MYO5B: variants seen among roughly 807,000 people sequenced by gnomAD.
MYO5B encodes myosin VB.
Under a neutral mutation model 229.3 loss-of-function variants are expected in MYO5B, and 143 were observed. The observed-to-expected ratio is 0.62, with a 90% CI of 0.54 to 0.72. The LOEUF (loss-of-function observed/expected upper bound fraction) is 0.72. Among genes scored for constraint, MYO5B ranks in the 30% least tolerant of loss-of-function variants. The pLI is 0.00. For missense variants in MYO5B, 2,321 were observed against 2,331.0 expected (o/e 1.00, Z 0.09); for synonymous variants, 918 against 885.2 (o/e 1.04, Z -0.66).
At chr18:50,090,004 T>A (rs8085101) in intron 1 of MYO5B, among the ~76,000 whole-genome samples, 1 of 152,194 alleles carries the variant, frequency 6.6e-6, no homozygotes, top group Non-Finnish European at 1.5e-5. Context: ...ACCACCTCCT[T>A]CAGCCTCTCT....
intron 17 of MYO5B, among the ~76,000 whole-genome samples, chr18:49,925,052 T>C (rs2025113732): frequency 6.6e-6 from 1 of 152,172 alleles, no homozygotes; most frequent in Non-Finnish European, 1.5e-5. Flanking sequence ...CCTGAAACAC[T>C]AGTTCAGGCC....
chr18:50,118,166 CCT>C (rs2031996745), intron 1 of MYO5B, among the ~76,000 whole-genome samples: 1 of 152,160 alleles, frequency 6.6e-6, no homozygotes, highest in Non-Finnish European at 1.5e-5. Flanking sequence ...CCAACTAAAC[CCT>C]GAGACCAGCT....
intron 14 of MYO5B, among the ~76,000 whole-genome samples, chr18:49,941,150 C>G (rs2025308828): frequency 6.6e-6 from 1 of 152,182 alleles, no homozygotes; most frequent in Admixed American, 6.5e-5. Context: ...TCACTTTTCC[C>G]TCACACTCCT....
Position 50,101,610 on chromosome 18 carries a change from A to G in MYO5B, c.28-46232T>C, listed in dbSNP as rs568860663. Among the ~76,000 whole-genome samples the G allele has an allele frequency of 5.9e-5, 9 of 152,332 alleles. No homozygotes were observed. The South Asian group carries it at 1.9e-3, about 32-fold the overall frequency. ...ATGATATGGTACTTCTCAAAAGAAG[A>G]CATATTTATGCAGCCAACAAACATA... On this transcript the variant is annotated intron_variant, in intron 1 of 39. Coordinates refer to ENST00000285039, the MANE Select transcript of MYO5B (RefSeq NM_001080467.3).
At chr18:49,835,497 T>G in intron 38 of MYO5B, 73 bp from the exon 39 acceptor site, 1 of 932,028 alleles carries the variant, frequency 1.1e-6, no homozygotes, top group South Asian at 1.3e-5. Flanking sequence ...TTAAAGAATA[T>G]GTGACATTGG....
At chr18:50,004,550 G>A (rs181883710) in intron 4 of MYO5B, among the ~76,000 whole-genome samples, 17 of 152,266 alleles carry the variant, frequency 1.1e-4, no homozygotes, top group African/African-American at 3.9e-4. Flanking sequence ...AAAATGTCTG[G>A]AAAAACTGAT....
At position 49,839,164 on chromosome 18, in the gene MYO5B, C is replaced by A. The variant is rs374782805; in HGVS notation, c.4832G>T (p.Gly1611Val). ...CTTACCTATCATCGGCTGTAACACG[C>A]CCTCGGCAATTTTAATGAGCTGCTG... ...IYQQLIKIAE[G>V]VLQPMIVSAM... Residue 1611 changes from glycine (G) to valine (V), a missense_variant, in exon 36 of 40, where the codon GGC becomes GTC. Around this residue, in one of 2 missense-constraint regions of MYO5B, gnomAD observed 2,113 missense variants for 2,044.7 expected, o/e 1.03. Transcript: ENST00000285039. 9.9e-6 allele frequency: 16 copies of A among 1,613,832 alleles called. No homozygotes were observed. The highest frequency in any genetic ancestry group is 6.7e-5 in the African/African-American group (5 of 75,042).
At chr18:49,936,228 G>T in intron 16 of MYO5B, 24 bp downstream of exon 16, 1 of 1,554,244 alleles carries the variant, frequency 6.4e-7, no homozygotes, top group Non-Finnish European at 8.8e-7. Context: ...GGGCTGGACA[G>T]GCTAATGCCC....
At chr18:49,879,286 G>A (rs1598852390) in intron 23 of MYO5B, 196 bp from the exon 24 acceptor site, 3 of 646,924 alleles carry the variant, frequency 4.6e-6, no homozygotes, top group East Asian at 5.7e-5. Context: ...CTTCAGAGAG[G>A]GAGAGAAAGA....
At chr18:49,996,801 A>G (rs1434421887) in intron 5 of MYO5B, among the ~76,000 whole-genome samples, 1 of 152,232 alleles carries the variant, frequency 6.6e-6, no homozygotes, top group Non-Finnish European at 1.5e-5. Context: ...GGAAAGAAGA[A>G]GAGATTCTAT....
At chr18:49,962,031 TCCC>T (rs893774703) in intron 12 of MYO5B, among the ~76,000 whole-genome samples, 8 of 151,948 alleles carry the variant, frequency 5.3e-5, no homozygotes, top group Admixed American at 3.9e-4. Context: ...CCACCCAGGC[TCCC>T]CCAAGAGAGG....
Position 49,843,392 on chromosome 18 carries a change from T to A in MYO5B, c.4460A>T (p.Asp1487Val), listed in dbSNP as rs199811777. 1.8e-4 allele frequency: 295 copies of A among 1,614,006 alleles called. No individual in the cohort carries two copies. In the African/African-American group the frequency reaches 3.7e-3, roughly 20 times the overall value. The change falls in exon 34 of 40, where the codon GAC becomes GTC. Residue 1487 changes from aspartate (D) to valine (V), a missense_variant and splice_region_variant. Coordinates refer to ENST00000285039, the MANE Select transcript of MYO5B (RefSeq NM_001080467.3). ...EALLIRNLVT[D>V]LKPQMLSGTV... ...GCCCGACAGCATCTGGGGCTTCAAG[T>A]CTAAGGGCAACGAGAGCAGCAAATG...
chr18:50,083,946 G>GT (rs1211225813), intron 1 of MYO5B, among the ~76,000 whole-genome samples: 1 of 152,156 alleles, frequency 6.6e-6, no homozygotes, highest in Non-Finnish European at 1.5e-5. Context: ...AAGTTTCATA[G>GT]TAAGACCCTA....
At chr18:50,142,531 T>C (rs570801535) in intron 1 of MYO5B, among the ~76,000 whole-genome samples, 2 of 152,240 alleles carry the variant, frequency 1.3e-5, no homozygotes, top group African/African-American at 4.8e-5. Flanking sequence ...ATTGGGAATA[T>C]GGGGGGTTTG....
At position 49,990,436 on chromosome 18, in the gene MYO5B, T is replaced by G; in HGVS notation, c.838+3A>C. ...GAGGATAGGCATGCACCTGTTGACTTACTTAGTGCAAGCTCTTTAAATTCT... is the reference window on the plus strand; with the variant it reads ...GAGGATAGGCATGCACCTGTTGACTGACTTAGTGCAAGCTCTTTAAATTCT... On this transcript the variant is annotated splice_donor_region_variant and intron_variant, in intron 7 of 39. Transcript: ENST00000285039. 1.2e-6 allele frequency: 2 copies of G among 1,612,320 alleles called. No homozygotes were observed. The highest frequency in any genetic ancestry group is 2.2e-5 in the East Asian group (1 of 44,840).
intron 9 of MYO5B, 143 bp from the exon 10 acceptor site, chr18:49,974,758 C>T: frequency 2.5e-6 from 2 of 792,198 alleles, no homozygotes; most frequent in Non-Finnish European, 4.0e-6. Context: ...ACATGCCCTG[C>T]TGCCAGCCCA....
Position 49,912,062 on chromosome 18 carries a change from C to T in MYO5B, c.2202G>A (p.Lys734=). The change falls in exon 18 of 40, where the codon AAG becomes AAA. Residue 734 remains lysine, a splice_region_variant and synonymous_variant. Coordinates refer to ENST00000285039, the MANE Select transcript of MYO5B (RefSeq NM_001080467.3). The part of the protein sequence containing the change: ...ICRSVLENLI[K]DPDKFQFGRT... Reference sequence around the variant, plus strand: ...CCTGGAGCTGGGCTGTGTGGCTCACCTTGATGAGGTTCTCCAGGACAGACC... The same window carrying T: ...CCTGGAGCTGGGCTGTGTGGCTCACTTTGATGAGGTTCTCCAGGACAGACC... The T allele has an allele frequency of 6.2e-7, 1 of 1,613,740 alleles. No individual in the cohort carries two copies. The highest frequency in any genetic ancestry group is 2.2e-5 in the East Asian group (1 of 44,882).
intron 1 of MYO5B, among the ~76,000 whole-genome samples, chr18:50,189,634 C>G (rs147152745): frequency 6.6e-6 from 1 of 152,194 alleles, no homozygotes; most frequent in African/African-American, 2.4e-5. Context: ...GGAGCACTAA[C>G]AGCATCTGCT....
Position 49,872,282 on chromosome 18 carries a change from CCA to C in MYO5B, c.3538-52_3538-51del, listed in dbSNP as rs1568619556. On this transcript the variant is annotated intron_variant, in intron 26 of 39. Transcript: ENST00000285039. ...AAGTGCAGACCTCGAGCAAGATATT[CCA>C]CAGAGGTGTTTCCAACTGTGGTCAA... is the stretch of plus-strand genomic sequence containing the variant. 2.5e-6 allele frequency: 4 copies of C among 1,585,506 alleles called. No individual in the cohort carries two copies. In the South Asian group the frequency reaches 4.4e-5, roughly 18 times the overall value.
Sources: allele counts gnomAD v4.1 joint callset (sites outside exome capture counted in the v4.1 genomes callset), GRCh38; gene constraint gnomAD v4.1.1; regional missense constraint gnomAD v4.1.1; transcripts MANE v1.5; gene names NCBI Gene and HGNC (gene_info 2026-07-23, HGNC 2026-07-21).